NUP98: variants seen among roughly 807,000 people sequenced by gnomAD.
NUP98 encodes the protein nuclear pore complex protein Nup98-Nup96.
A neutral mutation model predicts 191.9 loss-of-function variants in NUP98; 26 were observed. The ratio of observed to expected loss-of-function variants is 0.14; its 90% CI spans 0.10 to 0.19. The LOEUF is 0.19. Among genes scored for constraint, NUP98 ranks in the 10% least tolerant of loss-of-function variants. The pLI is 1.00. For missense variants in NUP98, 1,941 were observed against 2,178.8 expected, an observed-to-expected ratio of 0.89 and a Z score of 2.17; for synonymous variants, 808 against 778.4, an observed-to-expected ratio of 1.04 and a Z score of -0.63.
At chr11:3,785,189 A>C (rs1054425526) in intron 1 of NUP98, among the ~76,000 whole-genome samples, 17 of 150,592 alleles carry the variant, frequency 1.1e-4, no homozygotes, top group African/African-American at 3.2e-4. Context: ...AAAAACAAAC[A>C]AAAAAAAACA....
chr11:3,716,518 A>G (rs1589795143), intron 18 of NUP98, among the ~76,000 whole-genome samples: 1 of 151,890 alleles, frequency 6.6e-6, no homozygotes, highest in South Asian at 2.1e-4. Flanking sequence ...CCGGCTGGGC[A>G]GGCAACAAGG....
At chr11:3,778,724 TC>T in intron 4 of NUP98, 148 bp downstream of exon 4, 3 of 714,158 alleles carry the variant, frequency 4.2e-6, no homozygotes, top group Admixed American at 2.7e-5. Context: ...ATTAACCTTT[TC>T]AGTACATATT....
chr11:3,786,511 TAGAAA>T (rs918001409), intron 1 of NUP98, among the ~76,000 whole-genome samples: 2 of 152,204 alleles, frequency 1.3e-5, no homozygotes, highest in Admixed American at 6.5e-5. Flanking sequence ...TAGTGTTATA[TAGAAA>T]AGAAACCTTT....
intron 8 of NUP98, 95 bp from the exon 9 acceptor site, chr11:3,763,134 T>G (rs2081230098): frequency 8.5e-7 from 1 of 1,180,136 alleles, no homozygotes; most frequent in Non-Finnish European, 1.2e-6. Flanking sequence ...TTTTTCAAGC[T>G]TATATGACAG....
At position 3,706,408 on chromosome 11, in the gene NUP98, G is replaced by C. The variant is rs758399702; in HGVS notation, c.2925+37C>G. On this transcript the variant is annotated intron_variant, in intron 21 of 32. Transcript: ENST00000324932. The stretch of plus-strand genomic sequence containing the variant: ...TGCAATGGAGATAAAATATTAGTTT[G>C]GCTTTCTGTTACAAAAAAGGTGGGT... 29 of 1,592,646 alleles carry C rather than the reference G, an allele frequency of 1.8e-5. No homozygotes were observed. In the South Asian group the frequency reaches 3.2e-4, roughly 18 times the overall value.
intron 26 of NUP98, 120 bp from the exon 27 acceptor site, chr11:3,693,495 A>T: frequency 3.0e-6 from 3 of 988,514 alleles, no homozygotes; most frequent in Non-Finnish European, 4.4e-6. Flanking sequence ...CAGATATAAA[A>T]TATACAAATA....
intron 28 of NUP98, among the ~76,000 whole-genome samples, 166 bp from the exon 29 acceptor site, chr11:3,686,360 A>C (rs2078132490): frequency 6.6e-6 from 1 of 152,218 alleles, no homozygotes; most frequent in African/African-American, 2.4e-5. Flanking sequence ...CTCTGGGTTC[A>C]GCCAGACTTT....
Position 3,705,316 on chromosome 11 carries a change from T to A in NUP98, c.2966A>T (p.Asp989Val). The change falls in exon 22 of 33, where the codon GAT becomes GTT. Residue 989 changes from aspartate to valine, a missense_variant. Transcript: ENST00000324932. ...ASLLTDEEDV[D>V]MALDQRFSRL... ...ACTGAAGCGTTGATCCAGTGCCATA[T>A]CTACATCTTCTTCATCAGTAAGCAA... is the stretch of plus-strand genomic sequence containing the variant. The A allele has an allele frequency of 1.2e-6, 2 of 1,614,184 alleles. No homozygotes were observed. The highest frequency in any genetic ancestry group is 1.7e-6 in the Non-Finnish European group (2 of 1,180,022).
At position 3,725,025 on chromosome 11, in the gene NUP98, T is replaced by C. The variant is rs1233629609; in HGVS notation, c.1847+78A>G. 3 of 668,476 alleles carry C rather than the reference T, an allele frequency of 4.5e-6. No homozygotes were observed. The African/African-American group carries it at 5.4e-5, about 12-fold the overall frequency. The allele number at this position is 668,476 out of a possible 1,614,324, so 41.4% of individuals were successfully genotyped here. On this transcript the variant is annotated intron_variant, in intron 15 of 32. Transcript: ENST00000324932. ...AATATTCATCAAACTTCATAAATTT[T>C]CATAAATTCCTAAGAATGTCTTAAA... is the stretch of plus-strand genomic sequence containing the variant.
chr11:3,688,182 A>G (rs902548960), intron 28 of NUP98, among the ~76,000 whole-genome samples: 1 of 152,124 alleles, frequency 6.6e-6, no homozygotes, highest in African/African-American at 2.4e-5. Flanking sequence ...AGGTGAGCGG[A>G]TCACGAGGTC....
chr11:3,711,942 T>C (rs2079032235), intron 20 of NUP98: 2 of 1,042,250 alleles, frequency 1.9e-6, no homozygotes, highest in Non-Finnish European at 2.3e-6. Flanking sequence ...AGCTGAGAGG[T>C]AGAGGATGCT....
intron 1 of NUP98, among the ~76,000 whole-genome samples, chr11:3,789,394 A>T (rs897248509): frequency 6.6e-6 from 1 of 152,070 alleles, no homozygotes; most frequent in African/African-American, 2.4e-5. Flanking sequence ...GCACAAACAC[A>T]ATATATTGAG....
intron 25 of NUP98, among the ~76,000 whole-genome samples, chr11:3,697,720 G>A (rs1443725736): frequency 4.6e-5 from 7 of 151,372 alleles, no homozygotes; most frequent in Non-Finnish European, 1.0e-4. Flanking sequence ...GGAGGCTGAG[G>A]CAGGAGAATC....
intron 10 of NUP98, among the ~76,000 whole-genome samples, chr11:3,757,236 C>T (rs2080998067): frequency 6.6e-6 from 1 of 151,962 alleles, no homozygotes; most frequent in African/African-American, 2.4e-5. Flanking sequence ...TGCCTGTAAT[C>T]CCAGCACTTT....
intron 1 of NUP98, among the ~76,000 whole-genome samples, chr11:3,785,830 T>C (rs189279565): frequency 2.6e-5 from 4 of 152,302 alleles, no homozygotes; most frequent in Admixed American, 2.0e-4. Context: ...ATTTGGATTT[T>C]ACTCCAAAAA....
At chr11:3,678,285 A>G (rs1056709587) in intron 31 of NUP98, among the ~76,000 whole-genome samples, 4 of 152,158 alleles carry the variant, frequency 2.6e-5, no homozygotes, top group African/African-American at 2.4e-5. Flanking sequence ...TTCAGACGAG[A>G]GAGGTAGTTA....
At chr11:3,769,357 T>C (rs924045186) in intron 7 of NUP98, among the ~76,000 whole-genome samples, 2 of 151,716 alleles carry the variant, frequency 1.3e-5, no homozygotes, top group African/African-American at 4.8e-5. Context: ...GCCTGGGAGT[T>C]TGAGGCAGCG....
At chr11:3,734,784 G>C (rs888979600) in intron 13 of NUP98, among the ~76,000 whole-genome samples, 4 of 152,144 alleles carry the variant, frequency 2.6e-5, no homozygotes, top group African/African-American at 7.2e-5. Context: ...AATGAGAATA[G>C]GGCTGGGCAT....
At chr11:3,690,244 C>T (rs756797851) in intron 28 of NUP98, among the ~76,000 whole-genome samples, 10 of 151,004 alleles carry the variant, frequency 6.6e-5, no homozygotes, top group South Asian at 2.1e-4. Flanking sequence ...TGAGCCACCG[C>T]GCCTGGCTGT....
Sources: gnomAD v4.1 joint callset for allele counts (sites outside exome capture counted in the v4.1 genomes callset) on GRCh38, gnomAD v4.1.1 for gene constraint, MANE v1.5 for transcripts, NCBI Gene and HGNC (gene_info 2026-07-23, HGNC 2026-07-21) for gene names.